Variants in CCDC12 observed in about 807,000 individuals in gnomAD.
The protein encoded by CCDC12 is coiled-coil domain-containing protein 12.
A neutral mutation model predicts 25.7 loss-of-function variants in CCDC12; 28 were observed. The ratio of observed to expected loss-of-function variants is 1.09; its 90% CI spans 0.81 to 1.50. CCDC12 has a LOEUF of 1.50. Among genes scored for constraint, CCDC12 ranks in the 40% most tolerant of loss-of-function variants. CCDC12 has a pLI of 0.00. For missense variants in CCDC12, 198 were observed against 210.0 expected, an observed-to-expected ratio of 0.94 and a Z score of 0.35; for synonymous variants, 75 against 87.7, an observed-to-expected ratio of 0.86 and a Z score of 0.81.
intron 1 of CCDC12, among the ~76,000 whole-genome samples, chr3:46,958,435 T>C (rs2034364976): frequency 6.6e-6 from 1 of 152,160 alleles, no homozygotes; most frequent in African/African-American, 2.4e-5. Flanking sequence ...TCTGGAAAAC[T>C]TTGTAATTTT....
chr3:46,941,379 G>A (rs4682840), intron 1 of CCDC12, among the ~76,000 whole-genome samples: 144,388 of 152,122 alleles, frequency 0.95, 69,022 homozygotes, highest in East Asian at 1. Context: ...TGGCTAACAC[G>A]GCGAAACCCC....
At chr3:46,923,942 T>C in intron 3 of CCDC12, 1 of 366,796 alleles carries the variant, frequency 2.7e-6, no homozygotes, top group Non-Finnish European at 4.9e-6. Context: ...ATGCTGACAA[T>C]AACTACAAGA....
rs1043784218 is a variant in CCDC12, at chr3:46,956,493, A to G, written c.97-15428T>C. 6.0e-4 allele frequency among the ~76,000 whole-genome samples: 92 copies of G among 152,334 alleles called. 4 individuals are homozygous for G. The highest frequency in any genetic ancestry group is 2.9e-4 in the Non-Finnish European group (20 of 68,026). ...GTGGTCACCAAGGTGGGCTCTGGAC[A>G]CAGGGCAGGCAGGATAGGAAGAAAC... On this transcript the variant is annotated intron_variant, in intron 1 of 6. Coordinates refer to ENST00000683445, the MANE Select transcript of CCDC12 (RefSeq NM_001277074.2).
chr3:46,944,403 C>T (rs965050500), intron 1 of CCDC12, among the ~76,000 whole-genome samples: 3 of 152,114 alleles, frequency 2.0e-5, no homozygotes, highest in Non-Finnish European at 4.4e-5. Flanking sequence ...TGCTCAGATG[C>T]GGCCACAGCC....
chr3:46,940,962 G>C (rs898015366), intron 2 of CCDC12, 36 bp downstream of exon 2: 1 of 1,601,456 alleles, frequency 6.2e-7, no homozygotes, highest in Non-Finnish European at 8.6e-7. Context: ...AGTGCTGGAG[G>C]AGAGAGCAGA....
chr3:46,977,790 A>C (rs1015792381), upstream of CCDC12, among the ~76,000 whole-genome samples: 5 of 152,142 alleles, frequency 3.3e-5, no homozygotes, highest in African/African-American at 1.2e-4. Context: ...GTGGGCCTCA[A>C]GTACTGCCCC....
chr3:46,943,425 G>T (rs2033790909), intron 1 of CCDC12, among the ~76,000 whole-genome samples: 1 of 152,232 alleles, frequency 6.6e-6, no homozygotes, highest in Non-Finnish European at 1.5e-5. Context: ...CTGGGTAAGG[G>T]CAGAGAAGGA....
At chr3:46,945,109 G>T (rs907835242) in intron 1 of CCDC12, among the ~76,000 whole-genome samples, 3 of 152,252 alleles carry the variant, frequency 2.0e-5, no homozygotes, top group African/African-American at 7.2e-5. Context: ...TAGGCCCAGG[G>T]CACAGGCCTG....
upstream of CCDC12, chr3:46,976,864 G>C: frequency 7.0e-7 from 1 of 1,436,784 alleles, no homozygotes; most frequent in South Asian, 1.4e-5. Flanking sequence ...ATCAATGCGG[G>C]GTTATTATGG....
chr3:46,933,819 G>GA (rs1389325550), intron 2 of CCDC12, among the ~76,000 whole-genome samples: 1 of 152,138 alleles, frequency 6.6e-6, no homozygotes, highest in African/African-American at 2.4e-5. Context: ...CACGGCTCAT[G>GA]AAAAAATGTT....
Position 46,975,765 on chromosome 3 carries a change from T to C in CCDC12, c.96+872A>G, listed in dbSNP as rs565644351. On this transcript the variant is annotated intron_variant, in intron 1 of 6. Coordinates refer to ENST00000683445, the MANE Select transcript of CCDC12 (RefSeq NM_001277074.2). ...CCAGGATGGTCTCGATCTCCTAACC[T>C]CGTGATCCGCCCACCTCGGCCTCCC... 3.5e-4 allele frequency among the ~76,000 whole-genome samples: 52 copies of C among 150,160 alleles called. No homozygotes were observed. The South Asian group carries it at 0.01, about 30-fold the overall frequency.
At chr3:46,935,811 T>A (rs1019143317) in intron 2 of CCDC12, among the ~76,000 whole-genome samples, 2 of 152,148 alleles carry the variant, frequency 1.3e-5, no homozygotes, top group Non-Finnish European at 2.9e-5. Context: ...GGGGATTTGG[T>A]TGTATGGGGA....
At chr3:46,979,760 A>G (rs1303573441), upstream of CCDC12, 4 of 339,270 alleles carry the variant, frequency 1.2e-5, no homozygotes, top group Non-Finnish European at 2.1e-5. Context: ...TCCGCCCCGG[A>G]GTGACGCCCT....
At chr3:46,951,185 C>CA (rs1449036558) in intron 1 of CCDC12, among the ~76,000 whole-genome samples, 1 of 151,890 alleles carries the variant, frequency 6.6e-6, no homozygotes, top group Non-Finnish European at 1.5e-5. Context: ...CTCACCGAAA[C>CA]AGAGACTAGA....
At chr3:46,951,798 A>AAAAAAAAAACAATATATAT in intron 1 of CCDC12, among the ~76,000 whole-genome samples, 1 of 8,476 alleles carries the variant, frequency 1.2e-4, no homozygotes, top group Admixed American at 3.4e-3. Flanking sequence ...AAAAAAAAAA[A>AAAAAAAAAACAATATATAT]ATATATATAT....
intron 2 of CCDC12, among the ~76,000 whole-genome samples, chr3:46,932,286 T>C (rs922795613): frequency 1.2e-4 from 18 of 152,236 alleles, no homozygotes; most frequent in African/African-American, 4.3e-4. Flanking sequence ...GGATCTCTTC[T>C]GGCAGAGTGC....
intron 2 of CCDC12, among the ~76,000 whole-genome samples, chr3:46,929,876 C>A (rs1179935054): frequency 6.6e-6 from 1 of 151,486 alleles, no homozygotes; most frequent in Non-Finnish European, 1.5e-5. Flanking sequence ...ACTAAAAAAA[C>A]AAAAATTAGC....
At chr3:46,978,665 A>G (rs997668517), upstream of CCDC12, among the ~76,000 whole-genome samples, 17 of 151,994 alleles carry the variant, frequency 1.1e-4, no homozygotes, top group Admixed American at 3.9e-4. Flanking sequence ...CATTTGGTCA[A>G]CTTGGGCCTC....
intron 1 of CCDC12, among the ~76,000 whole-genome samples, chr3:46,958,209 A>G (rs1334329103): frequency 6.6e-6 from 1 of 152,182 alleles, no homozygotes. Context: ...TTGGGAGACT[A>G]AAAGGAACGC....
Sources: allele counts gnomAD v4.1 joint callset (sites outside exome capture counted in the v4.1 genomes callset), GRCh38; gene constraint gnomAD v4.1.1; transcripts MANE v1.5; gene names NCBI Gene and HGNC (gene_info 2026-07-23, HGNC 2026-07-21).